The following ANK2 variants were observed in gnomAD, a reference collection of about 807,000 sequenced individuals.
The protein encoded by ANK2 is ankyrin-2.
ANK2 carries 83 observed loss-of-function variants against 360.5 expected under a neutral mutation model. That is an observed-to-expected ratio of 0.23 (90% confidence interval 0.19 to 0.28). The LOEUF is 0.28. Among genes scored for constraint, ANK2 ranks in the 10% least tolerant of loss-of-function variants. ANK2 has a pLI of 1.00. For synonymous variants in ANK2, 1,740 were observed against 1,759.5 expected, an observed-to-expected ratio of 0.99 and a Z score of 0.28; for missense variants, 4,201 against 4,795.7, an observed-to-expected ratio of 0.88 and a Z score of 3.66.
intron 34 of ANK2, among the ~76,000 whole-genome samples, chr4:113,345,689 T>C (rs529937889): frequency 6.6e-6 from 1 of 152,204 alleles, no homozygotes; most frequent in Non-Finnish European, 1.5e-5. Flanking sequence ...ATGCAATTTT[T>C]GTCTACCATA....
rs1450725100 is a variant in ANK2 at position 113,381,333 on chromosome 4, A to C, written c.11860-124A>C. 5.0e-6 allele frequency: 5 copies of C among 999,580 alleles called. No individual in the cohort carries two copies. The Admixed American group carries it at 9.1e-5, about 18-fold the overall frequency. The allele number at this position is 999,580 out of a possible 1,614,324, so 61.9% of individuals were successfully genotyped here. A position where few individuals can be genotyped will look rare whatever the true frequency, so the allele number is the denominator to read the frequency against. ...GATGTCTATAGTTTGTTATGCTAATAGTTTGCTGTGGAAACATCTAAAGGT... is the reference window on the plus strand; with the variant it reads ...GATGTCTATAGTTTGTTATGCTAATCGTTTGCTGTGGAAACATCTAAAGGT... On this transcript the variant is annotated intron_variant, in intron 45 of 45. Transcript: ENST00000357077.
chr4:113,318,058 G>A (rs189070252), intron 25 of ANK2, among the ~76,000 whole-genome samples: 18 of 152,236 alleles, frequency 1.2e-4, no homozygotes, highest in African/African-American at 3.9e-4. Context: ...CTTCTGTGGA[G>A]ATTATATATG....
In ANK2 at chr4:113,264,980, T is replaced by G; in HGVS notation, c.1470T>G (p.Val490=). ...GCCTCCTGAGAAATGGTGCCCTTGT[T>G]GATGCCAGAGCCAGGGTAGGTACTG... ...VRCLLRNGAL[V]DARAREEQTP... The change falls in exon 14 of 46, where the codon GTT becomes GTG. Residue 490 remains valine (V), a synonymous_variant. Transcript: ENST00000357077. 1 of 1,562,866 alleles carries G rather than the reference T, an allele frequency of 6.4e-7. No homozygotes were observed. The highest frequency in any genetic ancestry group is 8.7e-7 in the Non-Finnish European group (1 of 1,152,416).
chr4:113,068,302 T>C (rs1048258157), intron 1 of ANK2, among the ~76,000 whole-genome samples: 19 of 152,216 alleles, frequency 1.2e-4, no homozygotes, highest in African/African-American at 4.6e-4. Flanking sequence ...ATATAAGTGA[T>C]GATATAAATT....
At chr4:113,254,731 C>A (rs1046988865) in intron 10 of ANK2, among the ~76,000 whole-genome samples, 1 of 152,140 alleles carries the variant, frequency 6.6e-6, no homozygotes, top group Non-Finnish European at 1.5e-5. Context: ...GTTGAAATCA[C>A]CTTCCTTGTT....
Position 112,826,295 on chromosome 4 carries a change from G to A in ANK2, c.-40+8031G>A, listed in dbSNP as rs1442915295. On this transcript the variant is annotated intron_variant, in intron 1 of 30. Transcript: ENST00000503271. The stretch of plus-strand genomic sequence containing the variant: ...TTTGACTATAAATTTCTATAGAGTT[G>A]TGTAGTCTGTTTTGCTTCAGACTTC... 7.9e-6 allele frequency: 5 copies of A among 634,086 alleles called. No individual in the cohort carries two copies. In the South Asian group the frequency reaches 9.8e-5, roughly 12 times the overall value. The allele number at this position is 634,086 out of a possible 1,614,324, so 39.3% of individuals were successfully genotyped here. A position where few individuals can be genotyped will look rare whatever the true frequency, so the allele number is the denominator to read the frequency against.
chr4:112,988,705 C>A (rs1431829967), intron 2 of ANK2, among the ~76,000 whole-genome samples: 1 of 152,146 alleles, frequency 6.6e-6, no homozygotes, highest in East Asian at 1.9e-4. Context: ...TGACTTATAA[C>A]CTTCTTTTAC....
chr4:113,060,115 G>A (rs1041299834), intron 1 of ANK2, among the ~76,000 whole-genome samples: 5 of 152,086 alleles, frequency 3.3e-5, no homozygotes, highest in African/African-American at 1.2e-4. Flanking sequence ...GAGGGGAAAT[G>A]ATACTAATAG....
At chr4:112,909,050 C>T (rs953614474) in intron 2 of ANK2, among the ~76,000 whole-genome samples, 6 of 152,272 alleles carry the variant, frequency 3.9e-5, no homozygotes, top group South Asian at 2.1e-4. Context: ...ACCACTGGGA[C>T]GACTGGAAGA....
intron 2 of ANK2, among the ~76,000 whole-genome samples, chr4:112,914,839 T>G (rs1430764661): frequency 6.6e-6 from 1 of 152,128 alleles, no homozygotes; most frequent in Admixed American, 6.5e-5. Flanking sequence ...TTGAAATGAT[T>G]GTCAAAGGTA....
chr4:112,948,363 C>T (rs2094698230), intron 2 of ANK2, among the ~76,000 whole-genome samples: 1 of 152,000 alleles, frequency 6.6e-6, no homozygotes, highest in African/African-American at 2.4e-5. Context: ...GTTGATATAA[C>T]ATTTTAACTG....
chr4:113,021,222 T>A (rs1160773200), intron 2 of ANK2, among the ~76,000 whole-genome samples: 1 of 152,092 alleles, frequency 6.6e-6, no homozygotes, highest in Non-Finnish European at 1.5e-5. Flanking sequence ...AAGAAGCTTT[T>A]ATACACAGAG....
intron 2 of ANK2, among the ~76,000 whole-genome samples, chr4:112,984,221 G>A (rs1052646263): frequency 7.2e-5 from 11 of 152,270 alleles, no homozygotes; most frequent in Admixed American, 4.6e-4. Context: ...TATGGGGAGA[G>A]GATCAGGAGG....
intron 1 of ANK2, among the ~76,000 whole-genome samples, chr4:112,865,648 A>C (rs917628849): frequency 6.6e-6 from 1 of 152,208 alleles, no homozygotes; most frequent in Non-Finnish European, 1.5e-5. Flanking sequence ...ATTTTGCTGC[A>C]GTTAGAATTT....
At chr4:112,850,371 C>CCA (rs2064515494) in intron 1 of ANK2, among the ~76,000 whole-genome samples, 2 of 99,884 alleles carry the variant, frequency 2.0e-5, no homozygotes, top group Non-Finnish European at 2.1e-5. Context: ...CCATTCATCT[C>CCA]TCTGTCCATT....
intron 2 of ANK2, among the ~76,000 whole-genome samples, chr4:112,999,887 T>C (rs1266012761): frequency 6.6e-6 from 1 of 152,180 alleles, no homozygotes; most frequent in Non-Finnish European, 1.5e-5. Flanking sequence ...TGTTCAATAA[T>C]GTGTAGTAAA....
intron 10 of ANK2, among the ~76,000 whole-genome samples, chr4:113,254,277 G>A (rs2048086775): frequency 6.6e-6 from 1 of 152,146 alleles, no homozygotes; most frequent in East Asian, 1.9e-4. Context: ...ACACTAGAAT[G>A]TAACCTCGAT....
intron 1 of ANK2, among the ~76,000 whole-genome samples, chr4:113,161,493 T>A (rs2097533353): frequency 6.6e-6 from 1 of 152,160 alleles, no homozygotes; most frequent in South Asian, 2.1e-4. Context: ...GAATTCAAAT[T>A]GAATAGCCCA....
intron 3 of ANK2, 107 bp downstream of exon 3, chr4:113,196,573 G>A (rs2098750911): frequency 4.9e-6 from 5 of 1,024,454 alleles, no homozygotes; most frequent in Non-Finnish European, 5.9e-6. Flanking sequence ...TGTTGCCCAG[G>A]AAGTAGTGCA....
Sources: gnomAD v4.1 joint callset for allele counts (sites outside exome capture counted in the v4.1 genomes callset) on GRCh38, gnomAD v4.1.1 for gene constraint, MANE v1.5 for transcripts, NCBI Gene and HGNC (gene_info 2026-07-23, HGNC 2026-07-21) for gene names.